ZBTB40: variants seen among roughly 807,000 people sequenced by gnomAD.
ZBTB40 encodes the protein zinc finger and BTB domain-containing protein 40.
Under a neutral mutation model 117.5 loss-of-function variants are expected in ZBTB40, and 60 were observed. The ratio of observed to expected loss-of-function variants is 0.51; its 90% CI spans 0.41 to 0.63. The LOEUF (loss-of-function observed/expected upper bound fraction) is 0.63, where lower values mean the gene tolerates loss of function less well. Ranked by LOEUF, ZBTB40 falls within the 30% of genes least tolerant of loss-of-function variation. The probability of loss-of-function intolerance (pLI) is 0.00; values close to 1 mark genes in which losing one functional copy is unlikely to be tolerated. For missense variants in ZBTB40, 1,287 were observed against 1,498.5 expected, an observed-to-expected ratio of 0.86 and a Z score of 2.33; for synonymous variants, 525 against 577.1, an observed-to-expected ratio of 0.91 and a Z score of 1.29.
intron 1 of ZBTB40, among the ~76,000 whole-genome samples, 177 bp downstream of exon 1, chr1:22,452,181 G>T (rs1417481067): frequency 2.6e-5 from 4 of 152,142 alleles, no homozygotes; most frequent in African/African-American, 7.2e-5. Context: ...GGGGCGGTCC[G>T]CACCCCTGGC....
chr1:22,470,175 C>T (rs903872139), intron 1 of ZBTB40, among the ~76,000 whole-genome samples: 3 of 152,182 alleles, frequency 2.0e-5, no homozygotes, highest in African/African-American at 7.2e-5. Context: ...ATGACTTGAG[C>T]AGGTCACTTG....
chr1:22,462,756 T>C (rs1344627285), intron 1 of ZBTB40, among the ~76,000 whole-genome samples: 1 of 152,240 alleles, frequency 6.6e-6, no homozygotes, highest in African/African-American at 2.4e-5. Flanking sequence ...AGCCGTCTTG[T>C]TATGAGAAGT....
At chr1:22,525,123 C>G (rs34852063) in intron 17 of ZBTB40, among the ~76,000 whole-genome samples, 1 of 152,182 alleles carries the variant, frequency 6.6e-6, no homozygotes, top group Non-Finnish European at 1.5e-5. Context: ...CAGGTTCTTA[C>G]AGGCCTCTGG....
Position 22,529,857 on chromosome 1 carries a change from G to A in ZBTB40, c.*3461G>A, listed in dbSNP as rs1639783644. On this transcript the variant is annotated 3_prime_UTR_variant, in exon 18 of 18. Transcript: ENST00000375647. ...GTTCTGATAATCGGGGCTGAGGGGT[G>A]AAAAGAAATCCAGTCAGACAGACAG... The A allele has an allele frequency of 6.6e-6, 1 of 152,114 alleles. No homozygotes were observed. Among genetic ancestry groups the A allele is most frequent in the South Asian group, 2.1e-4 (1 of 4,818 alleles). The allele number at this position is 152,114 out of a possible 1,614,324, so 9.4% of individuals were successfully genotyped here. A position where few individuals can be genotyped will look rare whatever the true frequency, so the allele number is the denominator to read the frequency against.
rs117811406 is a variant in ZBTB40, at chr1:22,475,791, G to C, written c.-69-14089G>C. Among the ~76,000 whole-genome samples the C allele has an allele frequency of 8.5e-5, 13 of 152,072 alleles. No individual in the cohort carries two copies. In the East Asian group the frequency reaches 2.5e-3, roughly 29 times the overall value. On this transcript the variant is annotated intron_variant, in intron 1 of 17. Coordinates refer to ENST00000375647, the MANE Select transcript of ZBTB40 (RefSeq NM_014870.4). ...TCTTGTTTTACTTACCTTTCCTTTT[G>C]CTCCCACACAGCACCTAGCAAGGTA... is the stretch of plus-strand genomic sequence containing the variant.
At chr1:22,517,586 G>A (rs1371261390) in intron 13 of ZBTB40, 122 bp downstream of exon 13, 2 of 1,217,442 alleles carry the variant, frequency 1.6e-6, no homozygotes, top group Non-Finnish European at 2.2e-6. Flanking sequence ...CCCCTTACCT[G>A]TTCCGCTGCA....
intron 1 of ZBTB40, among the ~76,000 whole-genome samples, chr1:22,482,977 G>A (rs1180347014): frequency 6.6e-6 from 1 of 151,824 alleles, no homozygotes; most frequent in East Asian, 1.9e-4. Context: ...TACTCGGGAG[G>A]CTGAGGCAGG....
In ZBTB40 at chr1:22,511,812, G is replaced by C. The variant is rs779498297; in HGVS notation, c.2139G>C (p.Glu713Asp). Residue 713 changes from glutamate to aspartate, a missense_variant, in exon 11 of 18, where the codon GAG becomes GAC. By Grantham distance (45) the Glu-to-Asp change is conservative. This residue lies in a region of ZBTB40 where 870 missense variants were observed against 934.4 expected (regional missense o/e 0.93). Transcript: ENST00000375647. ...CTGGGGAACAGAATGATCAAGGAGA[G>C]ACTGGTTCCTTGCCAGGACAGCAAG... is the stretch of plus-strand genomic sequence containing the variant. ...SQPGEQNDQG[E>D]TGSLPGQQEK... 3 of 1,614,156 alleles carry C rather than the reference G, an allele frequency of 1.9e-6. No homozygotes were observed. Among genetic ancestry groups the C allele is most frequent in the Non-Finnish European group, 1.7e-6 (2 of 1,180,026 alleles).
chr1:22,499,768 CA>C (rs1440189559), intron 3 of ZBTB40, among the ~76,000 whole-genome samples: 1 of 152,174 alleles, frequency 6.6e-6, no homozygotes, highest in Non-Finnish European at 1.5e-5. Context: ...CCAAGAAACA[CA>C]AGGTCTAACT....
intron 13 of ZBTB40, among the ~76,000 whole-genome samples, chr1:22,517,820 T>TTCC (rs928637477): frequency 2.6e-5 from 4 of 152,286 alleles, no homozygotes; most frequent in South Asian, 2.1e-4. Flanking sequence ...CATTTGCCTT[T>TTCC]TCCCGTAGGA....
rs1639799030 is a variant in ZBTB40, at chr1:22,530,410, T to G, written c.*4014T>G. 1 of 152,224 alleles carries G rather than the reference T, an allele frequency of 6.6e-6. No individual in the cohort carries two copies. Among genetic ancestry groups the G allele is most frequent in the South Asian group, 2.1e-4 (1 of 4,806 alleles). 9.4% of individuals were successfully genotyped at this position (152,224 alleles called of 1,614,324 possible). ...AAAGCTCAGAGGCACAGCCAAAATTTAGAAGCTTGCTACTCCTACGACTCG... is the reference window on the plus strand; with the variant it reads ...AAAGCTCAGAGGCACAGCCAAAATTGAGAAGCTTGCTACTCCTACGACTCG... On this transcript the variant is annotated 3_prime_UTR_variant, in exon 18 of 18. Transcript: ENST00000375647.
rs1287496893 is a variant in ZBTB40, at chr1:22,502,307, G to A, written c.1033G>A (p.Glu345Lys). 4.3e-6 allele frequency: 7 copies of A among 1,613,686 alleles called. No individual in the cohort carries two copies. The highest frequency in any genetic ancestry group is 2.2e-5 in the East Asian group (1 of 44,884). Residue 345 changes from glutamate (E) to lysine (K), a missense_variant, in exon 5 of 18, where the codon GAG becomes AAG. Physicochemically the swap from Glu to Lys is moderately conservative, Grantham distance 56 (BLOSUM62 1). Transcript: ENST00000375647. ...AACTCTTTCTCCCCCAGGGAGCACA[G>A]AGGAGGGAAAGACCTTGTCTGTTCT... ...VDTVQPKGST[E>K]EGKTLSVLLL...
chr1:22,492,932 C>G (rs1277548121), intron 3 of ZBTB40, among the ~76,000 whole-genome samples: 1 of 152,174 alleles, frequency 6.6e-6, no homozygotes, highest in Non-Finnish European at 1.5e-5. Context: ...CTAAACACAC[C>G]TCTTCATTTT....
chr1:22,467,771 G>A (rs1641291139), intron 1 of ZBTB40, among the ~76,000 whole-genome samples: 1 of 131,914 alleles, frequency 7.6e-6, no homozygotes, highest in Non-Finnish European at 1.6e-5. Flanking sequence ...CACTGTGTCA[G>A]GCCTGTTTTT....
intron 1 of ZBTB40, among the ~76,000 whole-genome samples, chr1:22,470,937 A>G (rs765561357): frequency 6.6e-6 from 1 of 152,208 alleles, no homozygotes; most frequent in Non-Finnish European, 1.5e-5. Flanking sequence ...AGACTTTCTG[A>G]TGTTATTTGA....
At chr1:22,489,058 G>A (rs1293084981) in intron 1 of ZBTB40, among the ~76,000 whole-genome samples, 1 of 152,218 alleles carries the variant, frequency 6.6e-6, no homozygotes, top group African/African-American at 2.4e-5. Context: ...GAATTGCTGT[G>A]AGGTGGGAAA....
At chr1:22,448,738 T>C (rs1640818407), upstream of ZBTB40, among the ~76,000 whole-genome samples, 1 of 152,150 alleles carries the variant, frequency 6.6e-6, no homozygotes, top group Non-Finnish European at 1.5e-5. Context: ...GCATGGTACC[T>C]GGAAGAAAGA....
In ZBTB40 at chr1:22,501,707, G is replaced by A. The variant is rs369226669; in HGVS notation, c.1024+23G>A. 81 of 1,609,092 alleles carry A rather than the reference G, an allele frequency of 5.0e-5. 1 individual carries two copies. Among genetic ancestry groups the A allele is most frequent in the East Asian group, 2.9e-4 (13 of 44,866 alleles). On this transcript the variant is annotated intron_variant, in intron 4 of 17. Coordinates refer to ENST00000375647, the MANE Select transcript of ZBTB40 (RefSeq NM_014870.4). ...AAGGTAGGAGAAGATCCTATGCATT[G>A]GAATGGCAGGGTTTTATTTTGGGAT...
At chr1:22,428,909 C>G (rs1050380753) in exon 1 of ZBTB40, among the ~76,000 whole-genome samples, 1 of 152,184 alleles carries the variant, frequency 6.6e-6, no homozygotes, top group African/African-American at 2.4e-5. Context: ...TCCTTTCTTT[C>G]TTCTTTCCAG....
Sources: gnomAD v4.1 joint callset for allele counts (sites outside exome capture counted in the v4.1 genomes callset) on GRCh38, gnomAD v4.1.1 for gene constraint, gnomAD v4.1.1 regional missense constraint, MANE v1.5 for transcripts, NCBI Gene and HGNC (gene_info 2026-07-23, HGNC 2026-07-21) for gene names.